SMARCD1: variants seen among roughly 807,000 people sequenced by gnomAD.
The protein encoded by SMARCD1 is SWI/SNF-related matrix-associated actin-dependent regulator of chromatin subfamily D member 1.
A neutral mutation model predicts 70.8 loss-of-function variants in SMARCD1; 16 were observed. The ratio of observed to expected loss-of-function variants is 0.23; its 90% CI spans 0.15 to 0.34. SMARCD1 has a LOEUF of 0.34. SMARCD1 is among the 10% of genes least tolerant of loss of function. The pLI, the probability that SMARCD1 is intolerant of heterozygous loss-of-function variation, is 1.00. For missense variants in SMARCD1, 409 were observed against 655.5 expected (o/e 0.62, Z 4.11); for synonymous variants, 249 against 246.0 (o/e 1.01, Z -0.11).
intron 1 of SMARCD1, 71 bp downstream of exon 1, chr12:50,085,617 TG>T (rs1169032130): frequency 3.7e-5 from 20 of 547,876 alleles, no homozygotes; most frequent in East Asian, 3.0e-4. Context: ...GTGACAGGGG[TG>T]GGGGGAGAAG....
At chr12:50,098,856 C>A in intron 12 of SMARCD1, 41 bp downstream of exon 12, 1 of 1,602,936 alleles carries the variant, frequency 6.2e-7, no homozygotes. Flanking sequence ...ACAAAAGGCA[C>A]GGGGTTTTCA....
chr12:50,091,416 C>T (rs1950842628), intron 9 of SMARCD1, among the ~76,000 whole-genome samples: 1 of 152,064 alleles, frequency 6.6e-6, no homozygotes, highest in Non-Finnish European at 1.5e-5. Context: ...GCTGGGATTA[C>T]AGGCATGTGC....
At chr12:50,097,821 G>T (rs933234504) in intron 11 of SMARCD1, among the ~76,000 whole-genome samples, 3 of 149,050 alleles carry the variant, frequency 2.0e-5, no homozygotes, top group Non-Finnish European at 4.4e-5. Context: ...AACCTGGGAG[G>T]TAGAGGCTGC....
chr12:50,089,865 G>T lies in SMARCD1; in HGVS notation c.772-19G>T. 1 of 1,589,238 alleles carries T rather than the reference G, an allele frequency of 6.3e-7. No individual in the cohort carries two copies. Among genetic ancestry groups the T allele is most frequent in the African/African-American group, 1.3e-5 (1 of 74,504 alleles). The stretch of plus-strand genomic sequence containing the variant: ...CTCTTCCTCTGGGAGAGCACCCCCT[G>T]ACATCTTCCTCTCTGTAGTGGCACA... On this transcript the variant is annotated intron_variant, in intron 6 of 12. Coordinates refer to ENST00000394963, the MANE Select transcript of SMARCD1 (RefSeq NM_003076.5).
rs1002860406 is a variant in SMARCD1, at chr12:50,100,011, C to G, written c.*1011C>G. ...GAAAGCGCCTAGGGCTGGAGAATAG[C>G]GCTGAGTTGGGTTTGTGACTCTTCC... On this transcript the variant is annotated 3_prime_UTR_variant, in exon 13 of 13. Transcript: ENST00000394963. 1 of 152,696 alleles carries G rather than the reference C, an allele frequency of 6.5e-6. No homozygotes were observed. The allele number at this position is 152,696 out of a possible 1,614,324, so 9.5% of individuals were successfully genotyped here.
chr12:50,087,200 G>A (rs1273230520), intron 4 of SMARCD1, among the ~76,000 whole-genome samples, 163 bp from the exon 5 acceptor site: 5 of 152,252 alleles, frequency 3.3e-5, no homozygotes, highest in African/African-American at 1.2e-4. Flanking sequence ...TTAGGCTGAT[G>A]GCCAGTACTC....
chr12:50,091,405 A>T lies in SMARCD1; in HGVS notation c.1133+815A>T, dbSNP rs113855140. On this transcript the variant is annotated intron_variant, in intron 9 of 12. Transcript: ENST00000394963. Reference sequence around the variant, plus strand: ...ATTCTCCTGCCGTAGCCTCCCACATAGCTGGGATTACAGGCATGTGCCACC... The same window carrying T: ...ATTCTCCTGCCGTAGCCTCCCACATTGCTGGGATTACAGGCATGTGCCACC... 1.9e-4 allele frequency among the ~76,000 whole-genome samples: 29 copies of T among 149,306 alleles called. No homozygotes were observed. The Middle Eastern group carries it at 0.015, about 76-fold the overall frequency.
At position 50,090,479 on chromosome 12, in the gene SMARCD1, C is replaced by T. The variant is rs1312170392; in HGVS notation, c.1036-14C>T. ...CTCAAACTGCTAACCTCGTGCTTCTCCCCTTTGCTACAGATCTTTGAGTCT... is the reference window on the plus strand; with the variant it reads ...CTCAAACTGCTAACCTCGTGCTTCTTCCCTTTGCTACAGATCTTTGAGTCT... On this transcript the variant is annotated splice_polypyrimidine_tract_variant and intron_variant, in intron 8 of 12. Coordinates refer to ENST00000394963, the MANE Select transcript of SMARCD1 (RefSeq NM_003076.5). 2.5e-6 allele frequency: 4 copies of T among 1,613,544 alleles called. No homozygotes were observed. Among genetic ancestry groups the T allele is most frequent in the East Asian group, 2.2e-5 (1 of 44,896 alleles).
chr12:50,094,041 A>G (rs1950870659), intron 9 of SMARCD1, among the ~76,000 whole-genome samples: 1 of 152,136 alleles, frequency 6.6e-6, no homozygotes, highest in Non-Finnish European at 1.5e-5. Context: ...ATAAGCCACC[A>G]CGCCTGGCTG....
chr12:50,086,505 T>TGGTGGTGGTG, intron 2 of SMARCD1, 116 bp from the exon 3 acceptor site: 1 of 444,508 alleles, frequency 2.2e-6, no homozygotes, highest in Non-Finnish European at 3.2e-6. Context: ...TGGTGGTAGT[T>TGGTGGTGGTG]CTTTGAGAGA....
intron 10 of SMARCD1, among the ~76,000 whole-genome samples, chr12:50,096,443 T>C (rs554886057): frequency 6.6e-6 from 1 of 152,222 alleles, no homozygotes; most frequent in Non-Finnish European, 1.5e-5. Flanking sequence ...TCAAAGAAAT[T>C]GCCGGGAGGA....
chr12:50,085,739 C>T (rs1381151251), intron 1 of SMARCD1, 193 bp downstream of exon 1: 3 of 454,884 alleles, frequency 6.6e-6, no homozygotes, highest in East Asian at 3.5e-5. Context: ...GGCATTGTTT[C>T]CCTGGGGAGT....
intron 9 of SMARCD1, among the ~76,000 whole-genome samples, chr12:50,093,057 TC>T (rs1248085883): frequency 1.3e-5 from 2 of 151,538 alleles, no homozygotes; most frequent in African/African-American, 2.4e-5. Context: ...GCGCCTGTAG[TC>T]CCAGCTACTT....
chr12:50,098,680 C>G (rs200412227), intron 11 of SMARCD1, 34 bp from the exon 12 acceptor site: 2 of 1,531,572 alleles, frequency 1.3e-6, no homozygotes, highest in South Asian at 2.2e-5. Context: ...TTTCTCCTCT[C>G]TCTTCCTCCA....
In SMARCD1 at chr12:50,086,677, A is replaced by G. The variant is rs1235891340; in HGVS notation, c.408+14A>G. The G allele has an allele frequency of 1.2e-6, 2 of 1,613,924 alleles. No individual in the cohort carries two copies. Among genetic ancestry groups the G allele is most frequent in the South Asian group, 2.2e-5 (2 of 91,090 alleles). ...CTACCTCAAAGGGTGAGTCCAGGCT[A>G]TATGTCTTCTGGAAAGTGTGGTGAG... On this transcript the variant is annotated intron_variant, in intron 3 of 12. Coordinates refer to ENST00000394963, the MANE Select transcript of SMARCD1 (RefSeq NM_003076.5).
At chr12:50,092,099 T>C (rs1950849084) in intron 9 of SMARCD1, among the ~76,000 whole-genome samples, 1 of 152,182 alleles carries the variant, frequency 6.6e-6, no homozygotes, top group South Asian at 2.1e-4. Context: ...GAGCAAGGCA[T>C]CTCTAGATAG....
intron 10 of SMARCD1, 21 bp downstream of exon 10, chr12:50,094,593 T>C (rs374362999): frequency 1.2e-4 from 199 of 1,610,854 alleles, no homozygotes; most frequent in Non-Finnish European, 1.6e-4. Context: ...GTGCCCTGGA[T>C]AGTTGGGTAC....
chr12:50,094,416 C>T, intron 9 of SMARCD1, 21 bp from the exon 10 acceptor site: 1 of 1,610,348 alleles, frequency 6.2e-7, no homozygotes, highest in Non-Finnish European at 8.5e-7. Flanking sequence ...CTTTACCAGG[C>T]TCCTTTGGTT....
intron 11 of SMARCD1, chr12:50,098,483 CT>C (rs1950911713): frequency 1.8e-6 from 1 of 549,388 alleles, no homozygotes. Flanking sequence ...AATTTCCCCT[CT>C]TTATAAGGGA....
Sources: gnomAD v4.1 joint callset for allele counts (sites outside exome capture counted in the v4.1 genomes callset) on GRCh38, gnomAD v4.1.1 for gene constraint, MANE v1.5 for transcripts, NCBI Gene and HGNC (gene_info 2026-07-23, HGNC 2026-07-21) for gene names.